The following MEDAG variants were observed in gnomAD, a reference collection of about 807,000 sequenced individuals.
MEDAG encodes mesenteric estrogen-dependent adipogenesis protein.
Under a neutral mutation model 29.9 loss-of-function variants are expected in MEDAG, and 25 were observed. That is an observed-to-expected ratio of 0.84 (90% CI 0.61 to 1.17). The LOEUF (loss-of-function observed/expected upper bound fraction) is 1.17, where lower values mean the gene tolerates loss of function less well. MEDAG is among the 50% of genes most tolerant of loss of function. MEDAG has a pLI of 0.00. For synonymous variants in MEDAG, 158 were observed against 148.2 expected, an observed-to-expected ratio of 1.07 and a Z score of -0.48; for missense variants, 398 against 372.9, an observed-to-expected ratio of 1.07 and a Z score of -0.56.
Position 30,924,650 on chromosome 13 carries a change from C to G in MEDAG, c.*215C>G. Reference sequence around the variant, plus strand: ...TGATTCCCCTAAAACTTATGATTACCAGGATGGAAAGGCCTTGGTCCCATG... The same window carrying G: ...TGATTCCCCTAAAACTTATGATTACGAGGATGGAAAGGCCTTGGTCCCATG... On this transcript the variant is annotated 3_prime_UTR_variant, in exon 5 of 5. Coordinates refer to ENST00000380482, the MANE Select transcript of MEDAG (RefSeq NM_032849.4). 1 of 429,922 alleles carries G rather than the reference C, an allele frequency of 2.3e-6. No individual in the cohort carries two copies. Among genetic ancestry groups the G allele is most frequent in the Non-Finnish European group, 4.1e-6 (1 of 245,468 alleles). 26.6% of individuals were successfully genotyped at this position (429,922 alleles called of 1,614,324 possible).
chr13:30,912,298 G>C (rs904604536), intron 1 of MEDAG, among the ~76,000 whole-genome samples: 1 of 152,188 alleles, frequency 6.6e-6, no homozygotes, highest in Non-Finnish European at 1.5e-5. Context: ...ATTAGGGCGA[G>C]ACTCTGTGTA....
chr13:30,906,701 G>C lies in MEDAG; in HGVS notation c.186G>C (p.Glu62Asp). The change falls in exon 1 of 5, where the codon GAG becomes GAC. Residue 62 changes from glutamate (E) to aspartate (D), a missense_variant. Coordinates refer to ENST00000380482, the MANE Select transcript of MEDAG (RefSeq NM_032849.4). ...GDQLVVARPG[E>D]PAAARGGFNV... ...AGCTCGTGGTGGCCAGGCCCGGGGA[G>C]CCGGCGGCGGCGCGGGGGGGCTTCA... The C allele has an allele frequency of 6.6e-7, 1 of 1,521,002 alleles. No homozygotes were observed. Among genetic ancestry groups the C allele is most frequent in the Non-Finnish European group, 8.7e-7 (1 of 1,143,350 alleles). 94.2% of individuals were successfully genotyped at this position (1,521,002 alleles called of 1,614,324 possible).
chr13:30,923,670 CT>C (rs1342423067), intron 4 of MEDAG, among the ~76,000 whole-genome samples: 1 of 152,194 alleles, frequency 6.6e-6, no homozygotes, highest in African/African-American at 2.4e-5. Context: ...TCTGACACCC[CT>C]GAGTTCACCT....
In MEDAG at chr13:30,917,492, C is replaced by T. The variant is rs765309979; in HGVS notation, c.368C>T (p.Thr123Ile). ...KPMLFFINVQ[T>I]KKDTSKERTY... ...ATGTTGTTCTTTATTAATGTACAGA[C>T]CAAAAAAGACACCTCAAAAGGTAAG... Residue 123 changes from threonine to isoleucine, a missense_variant, in exon 2 of 5, where the codon ACC becomes ATC. Coordinates refer to ENST00000380482, the MANE Select transcript of MEDAG (RefSeq NM_032849.4). The T allele has an allele frequency of 1.5e-5, 24 of 1,591,526 alleles. No homozygotes were observed. In the Admixed American group the frequency reaches 3.9e-4, roughly 26 times the overall value.
At position 30,921,631 on chromosome 13, in the gene MEDAG, G is replaced by A. The variant is rs1356885842; in HGVS notation, c.572G>A (p.Ser191Asn). The change falls in exon 4 of 5, where the codon AGC becomes AAC. Residue 191 changes from serine to asparagine, a missense_variant. Transcript: ENST00000380482. The part of the protein sequence containing the change: ...GNEVVNGENL[S>N]FAYEFKADAL... ...GAAGTGGTTAATGGAGAAAATTTAA[G>A]CTTTGCATATGAATTCAAAGCTGAT... is the stretch of plus-strand genomic sequence containing the variant. 3.7e-6 allele frequency: 6 copies of A among 1,613,250 alleles called. No individual in the cohort carries two copies. Among genetic ancestry groups the A allele is most frequent in the Middle Eastern group, 3.3e-4 (2 of 6,080 alleles).
intron 1 of MEDAG, chr13:30,908,687 T>A (rs113061511): frequency 1.2e-5 from 1 of 86,820 alleles, no homozygotes; most frequent in Non-Finnish European, 2.4e-5. Flanking sequence ...CCTCCCTCCC[T>A]CCCCTCCCTC....
At chr13:30,919,892 A>G (rs1336316289) in intron 2 of MEDAG, among the ~76,000 whole-genome samples, 1 of 152,184 alleles carries the variant, frequency 6.6e-6, no homozygotes, top group African/African-American at 2.4e-5. Flanking sequence ...GCTGGTTAAT[A>G]CCATTTTATA....
Position 30,906,507 on chromosome 13 carries a change from G to C in MEDAG, c.-9G>C. ...GGAAGCAGGCGGTGTGAGGACCGAC[G>C]ACGCGGGCATGGCGGGGGCGGCCTG... On this transcript the variant is annotated 5_prime_UTR_variant, in exon 1 of 5. Transcript: ENST00000380482. The C allele has an allele frequency of 6.6e-7, 1 of 1,507,046 alleles. No individual in the cohort carries two copies. The highest frequency in any genetic ancestry group is 8.8e-7 in the Non-Finnish European group (1 of 1,135,186). 93.4% of individuals were successfully genotyped at this position (1,507,046 alleles called of 1,614,324 possible).
intron 1 of MEDAG, among the ~76,000 whole-genome samples, chr13:30,913,042 G>A (rs1952895886): frequency 6.6e-6 from 1 of 152,232 alleles, no homozygotes; most frequent in Non-Finnish European, 1.5e-5. Flanking sequence ...TTCCACAGAT[G>A]AGTGAACAGG....
At chr13:30,916,783 GA>G (rs2138122489) in intron 1 of MEDAG, 1 of 152,532 alleles carries the variant, frequency 6.6e-6, no homozygotes, top group South Asian at 2.1e-4. Context: ...CTTCCTAAAT[GA>G]GAATAATGAA....
intron 1 of MEDAG, chr13:30,916,276 G>T (rs2138121951): frequency 6.6e-6 from 1 of 152,372 alleles, no homozygotes; most frequent in East Asian, 1.9e-4. Flanking sequence ...GTGGACGCAG[G>T]TGAGGGATGC....
At chr13:30,910,486 T>A (rs1417164877) in intron 1 of MEDAG, among the ~76,000 whole-genome samples, 1 of 152,234 alleles carries the variant, frequency 6.6e-6, no homozygotes, top group Non-Finnish European at 1.5e-5. Context: ...AGAGCTTAAG[T>A]AATTTACCTA....
At position 30,906,526 on chromosome 13, in the gene MEDAG, C is replaced by A; in HGVS notation, c.11C>A (p.Ala4Glu). 1 of 1,504,972 alleles carries A rather than the reference C, an allele frequency of 6.6e-7. No individual in the cohort carries two copies. 93.2% of individuals were successfully genotyped at this position (1,504,972 alleles called of 1,614,324 possible). A position where few individuals can be genotyped will look rare whatever the true frequency, so the allele number is the denominator to read the frequency against. MAG[A>E]ACEPVARPSL... ...ACCGACGACGCGGGCATGGCGGGGG[C>A]GGCCTGCGAGCCGGTGGCCAGGCCG... is the stretch of plus-strand genomic sequence containing the variant. The change falls in exon 1 of 5, where the codon GCG (alanine) becomes GAG (glutamate). Residue 4 changes from alanine (A) to glutamate (E), a missense_variant. By Grantham distance (107) the Ala-to-Glu change is moderately radical (BLOSUM62 -1). Transcript: ENST00000380482.
chr13:30,921,912 AAG>A (rs1952990884), intron 4 of MEDAG, 66 bp downstream of exon 4: 1 of 1,478,660 alleles, frequency 6.8e-7, no homozygotes, highest in Non-Finnish European at 9.1e-7. Flanking sequence ...AAAATAATGG[AAG>A]AGAGTCAATT....
At chr13:30,916,973 G>A (rs1023747636) in intron 1 of MEDAG, among the ~76,000 whole-genome samples, 15 of 152,230 alleles carry the variant, frequency 9.9e-5, no homozygotes, top group Non-Finnish European at 1.8e-4. Context: ...GTGGGGAAGT[G>A]GGGAGAAGGA....
chr13:30,911,554 G>A (rs1167074332), intron 1 of MEDAG, among the ~76,000 whole-genome samples: 1 of 152,086 alleles, frequency 6.6e-6, no homozygotes, highest in African/African-American at 2.4e-5. Flanking sequence ...CTTGTGGGCT[G>A]TTTGGCTTGA....
Position 30,906,755 on chromosome 13 carries a change from C to A in MEDAG, c.240C>A (p.Leu80=), listed in dbSNP as rs369613763. The A allele has an allele frequency of 1.4e-4, 216 of 1,509,134 alleles. No homozygotes were observed. The highest frequency in any genetic ancestry group is 1.9e-4 in the Non-Finnish European group (213 of 1,138,448). 93.5% of individuals were successfully genotyped at this position (1,509,134 alleles called of 1,614,324 possible). ...FNVFGDGLVR[L]DGQLYRLSSY... ...TCTTCGGTGACGGCCTCGTGCGCCTCGACGGGCAGCTCTACCGCCTCAGCA... is the reference window on the plus strand; with the variant it reads ...TCTTCGGTGACGGCCTCGTGCGCCTAGACGGGCAGCTCTACCGCCTCAGCA... Residue 80 remains leucine, a synonymous_variant, in exon 1 of 5, where the codon CTC becomes CTA. Coordinates refer to ENST00000380482, the MANE Select transcript of MEDAG (RefSeq NM_032849.4).
At position 30,906,758 on chromosome 13, in the gene MEDAG, CG is replaced by C; in HGVS notation, c.246del (p.Gln83SerfsTer15). On this transcript the variant is annotated frameshift_variant, in exon 1 of 5. Coordinates refer to ENST00000380482, the MANE Select transcript of MEDAG (RefSeq NM_032849.4). LOFTEE classifies it high-confidence loss of function. The stretch of plus-strand genomic sequence containing the variant: ...TCGGTGACGGCCTCGTGCGCCTCGA[CG>C]GGCAGCTCTACCGCCTCAGCAGCTA... ...VFGDGLVRLD[G>X]QLYRLSSYIK... is the part of the protein sequence containing the mutation. 6.6e-7 allele frequency: 1 copy of C among 1,509,930 alleles called. No homozygotes were observed. The highest frequency in any genetic ancestry group is 1.3e-5 in the South Asian group (1 of 78,322). The allele number at this position is 1,509,930 out of a possible 1,614,324, so 93.5% of individuals were successfully genotyped here.
chr13:30,921,065 A>AGAT lies in MEDAG; in HGVS notation c.441_443dup (p.Gln147_Ile148insMet). 6.2e-7 allele frequency: 1 copy of AGAT among 1,614,152 alleles called. No individual in the cohort carries two copies. Among genetic ancestry groups the AGAT allele is most frequent in the Non-Finnish European group, 8.5e-7 (1 of 1,179,994 alleles). ...ACGAGGCACCCCAAGATAAGAAGAC[A>AGAT]GATAGAGCAAGGGATGGACATGGTC... On this transcript the variant is annotated inframe_insertion, in exon 3 of 5. Coordinates refer to ENST00000380482, the MANE Select transcript of MEDAG (RefSeq NM_032849.4).
Sources: gnomAD v4.1 joint callset for allele counts (sites outside exome capture counted in the v4.1 genomes callset) on GRCh38, gnomAD v4.1.1 for gene constraint, MANE v1.5 for transcripts, NCBI Gene and HGNC (gene_info 2026-07-23, HGNC 2026-07-21) for gene names.